The following FAM193A variants were observed in gnomAD, a reference collection of about 807,000 sequenced individuals.
The protein encoded by FAM193A is family with sequence similarity 193 member A.
In FAM193A, 22 loss-of-function variants were observed where a neutral mutation model predicts 126.5. That is an observed-to-expected ratio of 0.17 (90% CI 0.12 to 0.25). FAM193A has a LOEUF of 0.25. Among genes scored for constraint, FAM193A ranks in the 10% least tolerant of loss-of-function variants. The pLI, the probability that FAM193A is intolerant of heterozygous loss-of-function variation, is 1.00. For synonymous variants in FAM193A, 761 were observed against 646.8 expected (o/e 1.18, Z -2.68); for missense variants, 1,675 against 1,672.8 (o/e 1.00, Z -0.02).
At chr4:2,598,329 A>G (rs1740989278) in intron 2 of FAM193A, among the ~76,000 whole-genome samples, 1 of 152,258 alleles carries the variant, frequency 6.6e-6, no homozygotes, top group South Asian at 2.1e-4. Flanking sequence ...GTAATTTTAC[A>G]GATAAACCAA....
chr4:2,560,448 C>T (rs547734591), intron 1 of FAM193A, among the ~76,000 whole-genome samples: 12 of 152,150 alleles, frequency 7.9e-5, no homozygotes, highest in Non-Finnish European at 1.5e-4. Flanking sequence ...GCGCTGTGGC[C>T]TGCTTGGCAC....
chr4:2,671,609 C>T (rs1713792837), intron 12 of FAM193A, among the ~76,000 whole-genome samples: 1 of 152,204 alleles, frequency 6.6e-6, no homozygotes, highest in Admixed American at 6.5e-5. Flanking sequence ...GGGCTGATTT[C>T]CAGAGCCTCA....
At chr4:2,730,430 A>G (rs139872410) in intron 20 of FAM193A, among the ~76,000 whole-genome samples, 410 of 152,030 alleles carry the variant, frequency 2.7e-3, no homozygotes, top group African/African-American at 7.7e-3. Flanking sequence ...GTGGCTCACG[A>G]CTGTAATCCC....
intron 1 of FAM193A, among the ~76,000 whole-genome samples, chr4:2,592,291 C>T (rs1013498690): frequency 2.0e-5 from 3 of 152,100 alleles, no homozygotes; most frequent in Admixed American, 6.5e-5. Flanking sequence ...GGTTTCACCA[C>T]GTTGGCCAGG....
Position 2,693,883 on chromosome 4 carries a change from A to C in FAM193A, c.3092+9A>C. The C allele has an allele frequency of 1.9e-6, 3 of 1,609,544 alleles. No homozygotes were observed. Among genetic ancestry groups the C allele is most frequent in the Non-Finnish European group, 2.5e-6 (3 of 1,176,670 alleles). On this transcript the variant is annotated intron_variant, in intron 16 of 20. Coordinates refer to ENST00000637812, the MANE Select transcript of FAM193A (RefSeq NM_001366318.2). ...CCTCCAAGTGTCTGCAGGTGAGCCA[A>C]GTCCTGACTGGGGACGTGGGAGCAC...
chr4:2,723,278 CA>C (rs1210141042), intron 20 of FAM193A, among the ~76,000 whole-genome samples: 1 of 122,690 alleles, frequency 8.2e-6, no homozygotes, highest in Admixed American at 8.0e-5. Context: ...TGTCTCAAAC[CA>C]AAAAACAGTA....
chr4:2,633,560 AT>A (rs1743808263), intron 5 of FAM193A, among the ~76,000 whole-genome samples: 1 of 151,916 alleles, frequency 6.6e-6, no homozygotes, highest in Admixed American at 6.6e-5. Flanking sequence ...ACCCTTAACT[AT>A]TCCTTCCTCC....
chr4:2,684,071 A>G (rs996931284), intron 13 of FAM193A, among the ~76,000 whole-genome samples: 5 of 152,140 alleles, frequency 3.3e-5, no homozygotes, highest in Admixed American at 2.0e-4. Context: ...TACTTTTTCC[A>G]TTAGAGCCTT....
chr4:2,554,982 A>G (rs1738168196), intron 1 of FAM193A, among the ~76,000 whole-genome samples: 1 of 152,158 alleles, frequency 6.6e-6, no homozygotes, highest in Non-Finnish European at 1.5e-5. Flanking sequence ...TTTCCTGTAG[A>G]TAGCTGCCTG....
At chr4:2,631,345 G>C (rs772290407) in intron 5 of FAM193A, among the ~76,000 whole-genome samples, 176 bp downstream of exon 5, 10 of 152,016 alleles carry the variant, frequency 6.6e-5, no homozygotes, top group Non-Finnish European at 1.5e-4. Context: ...CTTTCCTCTG[G>C]ACTTTGCCAC....
intron 7 of FAM193A, among the ~76,000 whole-genome samples, chr4:2,655,813 C>T (rs191376519): frequency 6.6e-6 from 1 of 152,144 alleles, no homozygotes; most frequent in East Asian, 1.9e-4. Context: ...TGCCTGTGGT[C>T]CTAGCTACTT....
intron 4 of FAM193A, among the ~76,000 whole-genome samples, chr4:2,628,109 C>G (rs925107469): frequency 1.3e-5 from 2 of 152,082 alleles, no homozygotes; most frequent in Non-Finnish European, 2.9e-5. Context: ...TGGCCTTGAA[C>G]TCCTGACCTT....
chr4:2,691,913 T>G (rs1325360726), intron 15 of FAM193A, among the ~76,000 whole-genome samples: 1 of 151,984 alleles, frequency 6.6e-6, no homozygotes, highest in African/African-American at 2.4e-5. Context: ...CTCCTCTAAA[T>G]GTGTAAGAAG....
intron 1 of FAM193A, among the ~76,000 whole-genome samples, chr4:2,565,651 G>T (rs927206369): frequency 2.0e-5 from 3 of 152,178 alleles, no homozygotes; most frequent in Non-Finnish European, 4.4e-5. Context: ...CAGGATTGCA[G>T]AAAGAGTAAC....
At chr4:2,672,813 G>A (rs571762738) in intron 13 of FAM193A, among the ~76,000 whole-genome samples, 93 of 152,120 alleles carry the variant, frequency 6.1e-4, no homozygotes, top group Non-Finnish European at 1.2e-3. Context: ...TGCTGCTTTA[G>A]CATTTAGAAA....
chr4:2,724,389 T>C lies in FAM193A; in HGVS notation c.4455-7386T>C, dbSNP rs991303306. ...AAACCACATCCTCATGTTTTTCTTA[T>C]AACCTTCCTTACCAAAACACATCTT... On this transcript the variant is annotated intron_variant, in intron 20 of 20. Transcript: ENST00000637812. 3.9e-5 allele frequency among the ~76,000 whole-genome samples: 6 copies of C among 152,346 alleles called. 1 individual carries two copies. In the South Asian group the frequency reaches 8.3e-4, roughly 21 times the overall value.
chr4:2,653,920 C>A (rs1052574054), intron 7 of FAM193A, among the ~76,000 whole-genome samples: 1 of 152,142 alleles, frequency 6.6e-6, no homozygotes, highest in African/African-American at 2.4e-5. Flanking sequence ...AATTTATGCT[C>A]ACAGTTCTTG....
At position 2,604,964 on chromosome 4, in the gene FAM193A, A is replaced by ATT. The variant is rs112923916; in HGVS notation, c.501+8650_501+8651dup. On this transcript the variant is annotated intron_variant, in intron 2 of 20. Transcript: ENST00000637812. ...AGCTGCACGCCAACAGTCCTGGATG[A>ATT]TTTTTTTTTTTTTTTTAAATTTTTT... Among the ~76,000 whole-genome samples, 11 of 132,866 alleles carry ATT rather than the reference A, an allele frequency of 8.3e-5. No individual in the cohort carries two copies. The East Asian group carries it at 1.1e-3, about 13-fold the overall frequency. The allele number at this position is 132,866 out of a possible 152,430, so 87.2% of individuals were successfully genotyped here.
At chr4:2,709,450 A>G (rs138617981) in intron 19 of FAM193A, among the ~76,000 whole-genome samples, 445 of 152,254 alleles carry the variant, frequency 2.9e-3, no homozygotes, top group African/African-American at 8.3e-3. Context: ...GCTCATGCCT[A>G]TAATCCCAGC....
Sources: gnomAD v4.1 joint callset for allele counts (sites outside exome capture counted in the v4.1 genomes callset) on GRCh38, gnomAD v4.1.1 for gene constraint, MANE v1.5 for transcripts, NCBI Gene and HGNC (gene_info 2026-07-23, HGNC 2026-07-21) for gene names.